DEPDC1B: variants seen among roughly 807,000 people sequenced by gnomAD.
The protein encoded by DEPDC1B is DEP domain containing 1B.
A neutral mutation model predicts 66.5 loss-of-function variants in DEPDC1B; 51 were observed. The observed-to-expected ratio is 0.77, with a 90% CI of 0.61 to 0.97. The LOEUF (loss-of-function observed/expected upper bound fraction) is 0.97, where lower values mean the gene tolerates loss of function less well. DEPDC1B is among the 50% of genes least tolerant of loss of function. The pLI is 0.00. For missense variants in DEPDC1B, 552 were observed against 637.1 expected (o/e 0.87, Z 1.44); for synonymous variants, 226 against 223.6 (o/e 1.01, Z -0.10).
At chr5:60,667,837 A>AAAAAATGGATATTTTACATATATAT (rs1753900926) in intron 2 of DEPDC1B, among the ~76,000 whole-genome samples, 2 of 117,956 alleles carry the variant, frequency 1.7e-5, no homozygotes, top group Non-Finnish European at 3.3e-5. Context: ...ACATATATGT[A>AAAAAATGGATATTTTACATATATAT]AAAAATGGAT....
intron 6 of DEPDC1B, 145 bp from the exon 7 acceptor site, chr5:60,639,035 T>A: frequency 1.3e-6 from 1 of 790,644 alleles, no homozygotes; most frequent in Non-Finnish European, 1.9e-6. Flanking sequence ...TGACATTAAT[T>A]AAATAGGCAT....
At chr5:60,607,325 A>G (rs75066409) in intron 7 of DEPDC1B, among the ~76,000 whole-genome samples, 112 of 152,296 alleles carry the variant, frequency 7.4e-4, no homozygotes, top group Admixed American at 1.7e-3. Flanking sequence ...TCTTTTCTAG[A>G]CCAAGTGCTG....
chr5:60,617,333 C>T (rs556399731), intron 7 of DEPDC1B, among the ~76,000 whole-genome samples: 1 of 151,866 alleles, frequency 6.6e-6, no homozygotes, highest in Non-Finnish European at 1.5e-5. Flanking sequence ...ATTAAAAGAC[C>T]CAAACTGGCA....
intron 7 of DEPDC1B, among the ~76,000 whole-genome samples, chr5:60,621,152 G>T (rs1040717966): frequency 6.6e-6 from 1 of 151,860 alleles, no homozygotes; most frequent in Non-Finnish European, 1.5e-5. Context: ...GGTGGGGGTA[G>T]GGGGAGGGAT....
chr5:60,598,661 A>G (rs2111693185), intron 10 of DEPDC1B, among the ~76,000 whole-genome samples: 1 of 152,350 alleles, frequency 6.6e-6, no homozygotes, highest in South Asian at 2.1e-4. Flanking sequence ...GATAGTGGCT[A>G]TCTAAAACCA....
At chr5:60,646,401 G>T (rs1358206235) in intron 3 of DEPDC1B, among the ~76,000 whole-genome samples, 1 of 152,150 alleles carries the variant, frequency 6.6e-6, no homozygotes, top group Non-Finnish European at 1.5e-5. Context: ...AGACAAAGAG[G>T]AAGAAGAGTA....
intron 7 of DEPDC1B, among the ~76,000 whole-genome samples, chr5:60,616,221 A>G (rs531707064): frequency 6.6e-6 from 1 of 152,344 alleles, no homozygotes; most frequent in Non-Finnish European, 1.5e-5. Flanking sequence ...TGGAAACTCT[A>G]AAAATCAGAG....
At chr5:60,616,560 A>T (rs1288306007) in intron 7 of DEPDC1B, among the ~76,000 whole-genome samples, 1 of 152,224 alleles carries the variant, frequency 6.6e-6, no homozygotes, top group East Asian at 1.9e-4. Context: ...AGATCAAATG[A>T]ATGAAATGAA....
intron 2 of DEPDC1B, among the ~76,000 whole-genome samples, chr5:60,650,699 C>T (rs1753429137): frequency 1.3e-5 from 2 of 152,156 alleles, no homozygotes; most frequent in South Asian, 2.1e-4. Context: ...ACTGAGCCAA[C>T]TGGTTATCCA....
intron 2 of DEPDC1B, among the ~76,000 whole-genome samples, chr5:60,662,583 G>T (rs575212087): frequency 6.0e-4 from 92 of 152,190 alleles, no homozygotes; most frequent in Non-Finnish European, 1.2e-3. Context: ...AACAGGGAAA[G>T]GTTGAGCAAA....
rs869142199 is a variant in DEPDC1B, at chr5:60,604,218, CT to C, written c.1066-652del. 7.2e-3 allele frequency among the ~76,000 whole-genome samples: 494 copies of C among 68,942 alleles called. 10 individuals are homozygous for C. The highest frequency in any genetic ancestry group is 0.02 in the African/African-American group (413 of 20,224). The allele number at this position is 68,942 out of a possible 152,430, so 45.2% of individuals were successfully genotyped here. On this transcript the variant is annotated intron_variant, in intron 8 of 10. Transcript: ENST00000265036. ...TTCCATAGAATTGAAATTAACTATTCTTTTTTTTTTTTTTTTTTTTTTTACG... is the reference window on the plus strand; with the variant it reads ...TTCCATAGAATTGAAATTAACTATTCTTTTTTTTTTTTTTTTTTTTTTACG...
chr5:60,620,841 G>A (rs1192139843), intron 7 of DEPDC1B, among the ~76,000 whole-genome samples: 11 of 152,246 alleles, frequency 7.2e-5, no homozygotes, highest in East Asian at 1.9e-4. Context: ...ACATGCACAC[G>A]TATGTTTATT....
At chr5:60,662,100 A>G (rs997952692) in intron 2 of DEPDC1B, among the ~76,000 whole-genome samples, 2 of 152,106 alleles carry the variant, frequency 1.3e-5, no homozygotes, top group East Asian at 1.9e-4. Context: ...TTAAAAAAAA[A>G]ACTTCAGGCC....
rs371233799 is a variant in DEPDC1B, at chr5:60,605,715, C to T, written c.1040G>A (p.Cys347Tyr). Residue 347 changes from cysteine (C) to tyrosine (Y), a missense_variant, in exon 8 of 11, where the codon TGT becomes TAT. Transcript: ENST00000265036. ...CAGTGTTCGGGTACCAAAGCCATCA[C>T]ACAGGGGTGGCATCTCTTTGTTTAA... ...ICLNKEMPPL[C>Y]DGFGTRTLMV... 3.5e-5 allele frequency: 56 copies of T among 1,612,008 alleles called. No individual in the cohort carries two copies. The African/African-American group carries it at 7.2e-4, about 21-fold the overall frequency.
chr5:60,688,102 T>A (rs907842898), intron 1 of DEPDC1B, among the ~76,000 whole-genome samples: 1 of 151,994 alleles, frequency 6.6e-6, no homozygotes, highest in Admixed American at 6.6e-5. Context: ...AAAGGCATTG[T>A]AGGAGGAGGA....
Position 60,619,607 on chromosome 5 carries a change from G to T in DEPDC1B, c.899-13751C>A, listed in dbSNP as rs1377336839. On this transcript the variant is annotated intron_variant, in intron 7 of 10. Transcript: ENST00000265036. The stretch of plus-strand genomic sequence containing the variant: ...GGGATGTGAAGGACCTCTTCAAGGA[G>T]AACTACAAACCACTGCTCAAGGAAA... Among the ~76,000 whole-genome samples the T allele has an allele frequency of 2.6e-5, 4 of 152,266 alleles. No homozygotes were observed. The South Asian group carries it at 8.3e-4, about 32-fold the overall frequency.
At chr5:60,641,079 C>T (rs1316242463) in intron 6 of DEPDC1B, among the ~76,000 whole-genome samples, 1 of 152,182 alleles carries the variant, frequency 6.6e-6, no homozygotes, top group Non-Finnish European at 1.5e-5. Flanking sequence ...CACCTAGTAT[C>T]ATGCCACCTC....
At chr5:60,618,623 C>A (rs906267566) in intron 7 of DEPDC1B, among the ~76,000 whole-genome samples, 2 of 152,216 alleles carry the variant, frequency 1.3e-5, no homozygotes, top group East Asian at 1.9e-4. Flanking sequence ...CAATAACAGG[C>A]TCTGAAATTG....
In DEPDC1B at chr5:60,599,265, G is replaced by T. The variant is rs763541216; in HGVS notation, c.1243-5C>A. The stretch of plus-strand genomic sequence containing the variant: ...ATCAGCTCCTGGGTATTTTATCTGA[G>T]GCAAAAGGATTAGTAGTGAAAGAAT... On this transcript the variant is annotated splice_polypyrimidine_tract_variant and splice_region_variant and intron_variant, in intron 9 of 10. Coordinates refer to ENST00000265036, the MANE Select transcript of DEPDC1B (RefSeq NM_018369.3). The T allele has an allele frequency of 1.3e-6, 2 of 1,584,662 alleles. No individual in the cohort carries two copies. The highest frequency in any genetic ancestry group is 1.7e-6 in the Non-Finnish European group (2 of 1,169,938).
Sources: gnomAD v4.1 joint callset for allele counts (sites outside exome capture counted in the v4.1 genomes callset) on GRCh38, gnomAD v4.1.1 for gene constraint, MANE v1.5 for transcripts, NCBI Gene and HGNC (gene_info 2026-07-23, HGNC 2026-07-21) for gene names.